Variants in IMPDH2 observed in about 807,000 individuals in gnomAD.
IMPDH2 encodes the protein inosine monophosphate dehydrogenase 2.
In IMPDH2, 33 loss-of-function variants were observed where a neutral mutation model predicts 57.8. The ratio of observed to expected loss-of-function variants is 0.57; its 90% CI spans 0.43 to 0.76. IMPDH2 has a LOEUF of 0.76. Among genes scored for constraint, IMPDH2 ranks in the 30% least tolerant of loss-of-function variants. The pLI is 0.00. For synonymous variants in IMPDH2, 270 were observed against 241.3 expected, an observed-to-expected ratio of 1.12 and a Z score of -1.10; for missense variants, 446 against 659.1, an observed-to-expected ratio of 0.68 and a Z score of 3.54.
At position 49,027,739 on chromosome 3, in the gene IMPDH2, C is replaced by CT. The variant is rs747776756; in HGVS notation, c.501dup (p.Glu168ArgfsTer5). The CT allele has an allele frequency of 6.2e-7, 1 of 1,614,246 alleles. No homozygotes were observed. The highest frequency in any genetic ancestry group is 1.7e-5 in the Admixed American group (1 of 60,030). On this transcript the variant is annotated frameshift_variant, in exon 5 of 14. Transcript: ENST00000326739. LOFTEE classifies it high-confidence loss of function. ...TCCAAGAAACAGTCATGTTCCTCCT[C>CT]TTTGAGAAAATCAATGTCCCTGGAG...
In IMPDH2 at chr3:49,026,358, G is replaced by T. The variant is rs2093199429; in HGVS notation, c.972C>A (p.Gly324=). The change falls in exon 9 of 14, where the codon GGC becomes GGA. Residue 324 remains glycine, a synonymous_variant. Transcript: ENST00000326739. ...TAATGCAGATGGAGCCACTTCCCAT[G>T]CCCACCCGCAGGGCATCCACACCTG... ...IDAGVDALRV[G]MGSGSICITQ... is the part of the protein sequence containing the mutation. 1 of 1,613,300 alleles carries T rather than the reference G, an allele frequency of 6.2e-7. No homozygotes were observed. The highest frequency in any genetic ancestry group is 1.1e-5 in the South Asian group (1 of 90,902).
chr3:49,028,056 TG>T (rs2093206902), intron 4 of IMPDH2, 140 bp from the exon 5 acceptor site: 13 of 799,976 alleles, frequency 1.6e-5, no homozygotes, highest in Non-Finnish European at 2.5e-5. Context: ...CTTAGAGACA[TG>T]GGTAGGCTGG....
Position 49,027,735 on chromosome 3 carries a change from T to G in IMPDH2, c.506A>C (p.Glu169Ala). ...SSRDIDFLKE[E>A]EHDCFLEEIM... is the part of the protein sequence containing the mutation. Reference sequence around the variant, plus strand: ...CTCTTCCAAGAAACAGTCATGTTCCTCCTCTTTGAGAAAATCAATGTCCCT... The same window carrying G: ...CTCTTCCAAGAAACAGTCATGTTCCGCCTCTTTGAGAAAATCAATGTCCCT... The change falls in exon 5 of 14, where the codon GAG becomes GCG. Residue 169 changes from glutamate to alanine, a missense_variant. Physicochemically the swap from Glu to Ala is moderately radical, Grantham distance 107 (BLOSUM62 -1). Transcript: ENST00000326739. 6.2e-7 allele frequency: 1 copy of G among 1,614,186 alleles called. No homozygotes were observed. Among genetic ancestry groups the G allele is most frequent in the Non-Finnish European group, 8.5e-7 (1 of 1,180,034 alleles).
At chr3:49,027,586 G>GA in intron 5 of IMPDH2, 124 bp downstream of exon 5, 5 of 815,226 alleles carry the variant, frequency 6.1e-6, no homozygotes, top group Non-Finnish European at 8.2e-6. Flanking sequence ...AAAGGAGTCA[G>GA]AAACTTGGTT....
Position 49,028,438 on chromosome 3 carries a change from G to A in IMPDH2, c.242C>T (p.Ala81Val), listed in dbSNP as rs1160229245. Reference protein sequence around the residue: ...DTVTEAGMAIAMALTGGIGFI... With the variant: ...DTVTEAGMAIVMALTGGIGFI... ...ACACCCCATGGGGCTCACCGCCATT[G>A]CTATGGCCATCCCAGCCTCTGTGAC... is the stretch of plus-strand genomic sequence containing the variant. The change falls in exon 3 of 14, where the codon GCA becomes GTA. Residue 81 changes from alanine to valine, a missense_variant. Transcript: ENST00000326739. The A allele has an allele frequency of 6.2e-7, 1 of 1,613,596 alleles. No individual in the cohort carries two copies. The highest frequency in any genetic ancestry group is 8.5e-7 in the Non-Finnish European group (1 of 1,179,612).
chr3:49,024,997 A>C lies in IMPDH2; in HGVS notation c.1194T>G (p.Gly398=). 2 of 1,614,246 alleles carry C rather than the reference A, an allele frequency of 1.2e-6. No individual in the cohort carries two copies. Among genetic ancestry groups the C allele is most frequent in the Non-Finnish European group, 8.5e-7 (1 of 1,180,040 alleles). Residue 398 remains glycine, a synonymous_variant, in exon 11 of 14, where the codon GGT becomes GGG. Coordinates refer to ENST00000326739, the MANE Select transcript of IMPDH2 (RefSeq NM_000884.3). ...SLLAATTEAP[G]EYFFSDGIRL... The stretch of plus-strand genomic sequence containing the variant: ...GGATCCCATCGGAAAAGAAGTATTC[A>C]CCAGGGGCCTCAGTGGTGGCAGCCA...
intron 1 of IMPDH2, 45 bp from the exon 2 acceptor site, chr3:49,028,851 G>A: frequency 6.7e-7 from 1 of 1,484,566 alleles, no homozygotes; most frequent in Non-Finnish European, 9.4e-7. Context: ...CTCAGCTTAG[G>A]GCAGCATGAG....
chr3:49,028,909 G>A (rs940071649), intron 1 of IMPDH2, 103 bp from the exon 2 acceptor site: 8 of 925,188 alleles, frequency 8.6e-6, no homozygotes, highest in Admixed American at 7.7e-5. Context: ...TGAGCAGAGA[G>A]TGGCACTGAC....
At chr3:49,028,097 G>T in intron 4 of IMPDH2, 151 bp downstream of exon 4, 1 of 799,962 alleles carries the variant, frequency 1.3e-6, no homozygotes, top group Non-Finnish European at 2.1e-6. Flanking sequence ...TATTGCTGCT[G>T]CTTTAAGAAA....
chr3:49,028,641 A>C lies in IMPDH2; in HGVS notation c.148-109T>G, dbSNP rs1575312150. On this transcript the variant is annotated intron_variant, in intron 2 of 13. Transcript: ENST00000326739. ...TGTATGACCTGCATGCTAACAAGCA[A>C]CATGATCCTATAAAATCCACCCCCA... 6 of 1,308,764 alleles carry C rather than the reference A, an allele frequency of 4.6e-6. No homozygotes were observed. In the East Asian group the frequency reaches 1.4e-4, roughly 30 times the overall value. The allele number at this position is 1,308,764 out of a possible 1,614,324, so 81.1% of individuals were successfully genotyped here. A position where few individuals can be genotyped will look rare whatever the true frequency, so the allele number is the denominator to read the frequency against.
At position 49,028,541 on chromosome 3, in the gene IMPDH2, A is replaced by T. The variant is rs2093209670; in HGVS notation, c.148-9T>A. 3 of 1,601,804 alleles carry T rather than the reference A, an allele frequency of 1.9e-6. No homozygotes were observed. The African/African-American group carries it at 4.0e-5, about 21-fold the overall frequency. On this transcript the variant is annotated splice_polypyrimidine_tract_variant and intron_variant, in intron 2 of 13. Coordinates refer to ENST00000326739, the MANE Select transcript of IMPDH2 (RefSeq NM_000884.3). ...AGAGCAGAAGTCAGGTCCTGAGGAG[A>T]CAAACGTCAACCAGTGTGGGAAAGC...
rs767897370 is a variant in IMPDH2 at position 49,024,566 on chromosome 3, G to A, written c.1452C>T (p.Tyr484=). ...KSLTQVRAMM[Y]SGELKFEKRT... ...TCTTCTCAAACTTAAGCTCCCCAGA[G>A]TACATCATGGCTCTGAAGAAGGGCA... The change falls in exon 13 of 14, where the codon TAC becomes TAT. Residue 484 remains tyrosine (Y), a synonymous_variant. Coordinates refer to ENST00000326739, the MANE Select transcript of IMPDH2 (RefSeq NM_000884.3). The A allele has an allele frequency of 1.7e-5, 28 of 1,614,184 alleles. No homozygotes were observed. The highest frequency in any genetic ancestry group is 2.3e-5 in the Non-Finnish European group (27 of 1,180,030).
Position 49,028,284 on chromosome 3 carries a change from T to C in IMPDH2, c.288A>G (p.Thr96=), listed in dbSNP as rs779408247. ...GAACTTCATTGGCCTGGAATTCAGGTGTACAGTTGTGGTGGATGAAGCCAA... is the reference window on the plus strand; with the variant it reads ...GAACTTCATTGGCCTGGAATTCAGGCGTACAGTTGTGGTGGATGAAGCCAA... ...GGIGFIHHNC[T]PEFQANEVRK... The change falls in exon 4 of 14, where the codon ACA becomes ACG. Residue 96 remains threonine (T), a synonymous_variant. Transcript: ENST00000326739. The C allele has an allele frequency of 6.2e-7, 1 of 1,614,174 alleles. No individual in the cohort carries two copies. Among genetic ancestry groups the C allele is most frequent in the Non-Finnish European group, 8.5e-7 (1 of 1,180,028 alleles).
chr3:49,026,079 A>C, intron 9 of IMPDH2: 1 of 623,618 alleles, frequency 1.6e-6, no homozygotes, highest in Non-Finnish European at 3.0e-6. Context: ...AAATAAAACA[A>C]ACAGACCAGA....
intron 9 of IMPDH2, chr3:49,026,005 C>T (rs994991577): frequency 3.9e-5 from 19 of 490,804 alleles, no homozygotes; most frequent in Admixed American, 1.4e-4. Context: ...TATAGCAACC[C>T]GTGACAGTAG....
chr3:49,028,889 G>T, intron 1 of IMPDH2, 83 bp from the exon 2 acceptor site: 1 of 1,075,334 alleles, frequency 9.3e-7, no homozygotes, highest in Non-Finnish European at 1.4e-6. Flanking sequence ...CAATCAACCC[G>T]TAACGCATGT....
In IMPDH2 at chr3:49,024,802, A is replaced by T. The variant is rs748856103; in HGVS notation, c.1296T>A (p.Ser432Arg). The change falls in exon 12 of 14, where the codon AGT becomes AGA. Residue 432 changes from serine to arginine, a missense_variant and splice_region_variant. Coordinates refer to ENST00000326739, the MANE Select transcript of IMPDH2 (RefSeq NM_000884.3). ...KHLSSQNRYF[S>R]EADKIKVAQG... ...GGGCCACTTTGATTTTGTCAGCTTC[A>T]CTGCAGGGAGAGGCAGAGACACGGG... is the stretch of plus-strand genomic sequence containing the variant. The T allele has an allele frequency of 6.2e-7, 1 of 1,614,186 alleles. No individual in the cohort carries two copies. The highest frequency in any genetic ancestry group is 8.5e-7 in the Non-Finnish European group (1 of 1,180,020).
Position 49,027,123 on chromosome 3 carries a change from TAGCTGAGCTCAGAGGC to T in IMPDH2, c.532-92_532-77del. 4 of 1,177,896 alleles carry T rather than the reference TAGCTGAGCTCAGAGGC, an allele frequency of 3.4e-6. No homozygotes were observed. In the East Asian group the frequency reaches 9.3e-5, roughly 27 times the overall value. 73.0% of individuals were successfully genotyped at this position (1,177,896 alleles called of 1,614,324 possible). A position where few individuals can be genotyped will look rare whatever the true frequency, so the allele number is the denominator to read the frequency against. On this transcript the variant is annotated intron_variant, in intron 5 of 13. Transcript: ENST00000326739. The stretch of plus-strand genomic sequence containing the variant: ...TTAACTCTTTTCTTTCCTTCCCAAG[TAGCTGAGCTCAGAGGC>T]ACGCGCCACCACACCCAACTAATTT...
In IMPDH2 at chr3:49,026,773, G is replaced by A; in HGVS notation, c.733C>T (p.Leu245=). The A allele has an allele frequency of 1.9e-6, 3 of 1,614,232 alleles. No homozygotes were observed. Among genetic ancestry groups the A allele is most frequent in the Non-Finnish European group, 2.5e-6 (3 of 1,180,038 alleles). The change falls in exon 7 of 14, where the codon CTG becomes TTG. Residue 245 remains leucine (L), a synonymous_variant. Coordinates refer to ENST00000326739, the MANE Select transcript of IMPDH2 (RefSeq NM_000884.3). ...TGAGTGCCAATGGCTGCCCCACACA[G>A]CAGCTGTTTCTTGGCATCTTTGGAG... ...LASKDAKKQL[L]CGAAIGTHED...
Sources: gnomAD v4.1 joint callset for allele counts on GRCh38, gnomAD v4.1.1 for gene constraint, MANE v1.5 for transcripts, NCBI Gene and HGNC (gene_info 2026-07-23, HGNC 2026-07-21) for gene names.